Variants in PTK2 observed in about 807,000 individuals in gnomAD.
PTK2 encodes focal adhesion kinase 1.
A neutral mutation model predicts 150.1 loss-of-function variants in PTK2; 45 were observed. The ratio of observed to expected loss-of-function variants is 0.30; its 90% CI spans 0.24 to 0.38. The LOEUF (loss-of-function observed/expected upper bound fraction) is 0.38. Among genes scored for constraint, PTK2 ranks in the 10% least tolerant of loss-of-function variants. PTK2 has a pLI of 1.00. For missense variants in PTK2, 919 were observed against 1,307.3 expected (o/e 0.70, Z 4.58); for synonymous variants, 432 against 449.2 (o/e 0.96, Z 0.48).
At chr8:140,717,089 C>T (rs2100040087) in intron 23 of PTK2, among the ~76,000 whole-genome samples, 1 of 152,184 alleles carries the variant, frequency 6.6e-6, no homozygotes, top group Non-Finnish European at 1.5e-5. Flanking sequence ...GAAACAAAAG[C>T]AACTGCAATG....
chr8:140,885,305 T>G (rs1018897940), intron 3 of PTK2, among the ~76,000 whole-genome samples: 1 of 152,166 alleles, frequency 6.6e-6, no homozygotes, highest in African/African-American at 2.4e-5. Context: ...TCAGAAATAT[T>G]CCATTTCACC....
rs924128602 is a variant in PTK2, at chr8:140,789,640, G to T, written c.1125-114C>A. The T allele has an allele frequency of 1.7e-5, 15 of 906,572 alleles. No individual in the cohort carries two copies. The African/African-American group carries it at 2.2e-4, about 13-fold the overall frequency. 56.2% of individuals were successfully genotyped at this position (906,572 alleles called of 1,614,324 possible). A position where few individuals can be genotyped will look rare whatever the true frequency, so the allele number is the denominator to read the frequency against. On this transcript the variant is annotated intron_variant, in intron 13 of 31. Transcript: ENST00000522684. ...GAGGAAGACAAAATTTTAGATACGT[G>T]ATTTCTTTAAAAATTGGATTCTACT...
At chr8:140,766,493 A>T (rs147000999) in intron 14 of PTK2, among the ~76,000 whole-genome samples, 42 of 152,210 alleles carry the variant, frequency 2.8e-4, no homozygotes, top group African/African-American at 9.9e-4. Context: ...TACCTATAAC[A>T]ACCTGATATA....
intron 1 of PTK2, among the ~76,000 whole-genome samples, chr8:140,974,302 TAC>T (rs1161820899): frequency 2.6e-5 from 4 of 152,198 alleles, no homozygotes; most frequent in African/African-American, 9.6e-5. Context: ...CTGAGGAAAC[TAC>T]ACTCATTTAT....
At chr8:140,846,629 A>G in exon 6 of PTK2, 1 of 1,612,506 alleles carries the variant, frequency 6.2e-7, no homozygotes, top group Non-Finnish European at 8.5e-7. Context: ...CTTCAAAGCA[A>G]TTTCCTGGTC....
At chr8:140,660,015 T>C (rs547672876) in intron 31 of PTK2, among the ~76,000 whole-genome samples, 48 of 152,344 alleles carry the variant, frequency 3.2e-4, no homozygotes, top group African/African-American at 1.2e-3. Context: ...ACTACATTCA[T>C]GCATTTAAAC....
chr8:140,845,183 C>G (rs2100124633), intron 7 of PTK2, among the ~76,000 whole-genome samples: 1 of 152,068 alleles, frequency 6.6e-6, no homozygotes, highest in African/African-American at 2.4e-5. Flanking sequence ...ATATGGAATT[C>G]TAAATTGCGA....
intron 27 of PTK2, among the ~76,000 whole-genome samples, chr8:140,678,616 A>G (rs2100015184): frequency 6.6e-6 from 1 of 152,144 alleles, no homozygotes; most frequent in African/African-American, 2.4e-5. Flanking sequence ...GGCCTCCCCA[A>G]GTGCTGGGAT....
chr8:140,929,302 A>G (rs188590385), intron 1 of PTK2, among the ~76,000 whole-genome samples: 80 of 152,340 alleles, frequency 5.3e-4, no homozygotes, highest in Admixed American at 1.6e-3. Flanking sequence ...AACCATTTTT[A>G]AAGAGTAAAT....
intron 23 of PTK2, among the ~76,000 whole-genome samples, chr8:140,709,337 AAAT>A (rs1317876760): frequency 6.6e-6 from 1 of 152,240 alleles, no homozygotes; most frequent in African/African-American, 2.4e-5. Flanking sequence ...TTCAAAATAA[AAAT>A]AAAAGGTAAA....
At chr8:140,693,280 G>C (rs986018047) in intron 26 of PTK2, among the ~76,000 whole-genome samples, 1 of 152,076 alleles carries the variant, frequency 6.6e-6, no homozygotes, top group Non-Finnish European at 1.5e-5. Context: ...GGGGCCAGGC[G>C]TGGTGACTCA....
chr8:140,702,501 T>A (rs1447551920), intron 25 of PTK2, 69 bp downstream of exon 28: 4 of 1,557,544 alleles, frequency 2.6e-6, no homozygotes, highest in Non-Finnish European at 3.5e-6. Flanking sequence ...ATTACAAGTG[T>A]AAGCCACCAT....
intron 27 of PTK2, among the ~76,000 whole-genome samples, chr8:140,683,282 C>T (rs1296237823): frequency 6.6e-6 from 1 of 152,148 alleles, no homozygotes; most frequent in Non-Finnish European, 1.5e-5. Context: ...GACACATACA[C>T]ATTCCCAAGA....
Position 140,929,540 on chromosome 8 carries a change from A to G in PTK2, c.-121-3791T>C, listed in dbSNP as rs115210720. Among the ~76,000 whole-genome samples the G allele has an allele frequency of 7.4e-3, 1,124 of 152,190 alleles. 12 individuals are homozygous for G. Among genetic ancestry groups the G allele is most frequent in the African/African-American group, 0.025 (1,039 of 41,500 alleles). The stretch of plus-strand genomic sequence containing the variant: ...CTAATAAACTTGGAGGTAATTACTA[A>G]TATCATCATTTTCAAGAAAAAGAAA... On this transcript the variant is annotated intron_variant, in intron 1 of 31. Transcript: ENST00000522684.
chr8:140,863,484 T>C (rs1210048761), intron 5 of PTK2, among the ~76,000 whole-genome samples: 5 of 152,224 alleles, frequency 3.3e-5, no homozygotes, highest in African/African-American at 9.6e-5. Flanking sequence ...GGTCCCTCTC[T>C]CACCAAAATG....
rs145218714 is a variant in PTK2 at position 140,965,036 on chromosome 8, T to C, written c.-122+36089A>G. Among the ~76,000 whole-genome samples, 877 of 152,310 alleles carry C rather than the reference T, an allele frequency of 5.8e-3. 5 individuals carry two copies. Among genetic ancestry groups the C allele is most frequent in the Admixed American group, 9.2e-3 (140 of 15,292 alleles). ...AGACCTAATAATCCTTTTTTGACAT[T>C]GCATGCATCATGTAATATGAAGAGT... On this transcript the variant is annotated intron_variant, in intron 1 of 31. Coordinates refer to ENST00000522684, the Ensembl canonical transcript of PTK2.
intron 30 of PTK2, among the ~76,000 whole-genome samples, chr8:140,665,761 C>T (rs781345178): frequency 6.6e-6 from 1 of 152,034 alleles, no homozygotes; most frequent in Non-Finnish European, 1.5e-5. Context: ...CAAAGTAAAA[C>T]GGTTAAAAAA....
chr8:140,772,179 T>A (rs1458331782), intron 14 of PTK2, among the ~76,000 whole-genome samples: 1 of 152,212 alleles, frequency 6.6e-6, no homozygotes, highest in Non-Finnish European at 1.5e-5. Context: ...TTGTATATGA[T>A]GGCCCTAGAG....
chr8:140,773,658 A>T (rs893791348), intron 14 of PTK2, among the ~76,000 whole-genome samples: 4 of 151,922 alleles, frequency 2.6e-5, no homozygotes, highest in African/African-American at 9.7e-5. Context: ...GGGAAGGGGG[A>T]GGTGGCACTG....
Sources: gnomAD v4.1 joint callset for allele counts (sites outside exome capture counted in the v4.1 genomes callset) on GRCh38, gnomAD v4.1.1 for gene constraint, MANE v1.5 for transcripts, NCBI Gene and HGNC (gene_info 2026-07-23, HGNC 2026-07-21) for gene names.